HOXC5: variants seen among roughly 807,000 people sequenced by gnomAD.
The protein encoded by HOXC5 is homeobox C5, also known as homeobox protein Hox-C5.
In HOXC5, 19 loss-of-function variants were observed where a neutral mutation model predicts 20.1. That is an observed-to-expected ratio of 0.94 (90% CI 0.66 to 1.38). The LOEUF (loss-of-function observed/expected upper bound fraction) is 1.38. HOXC5 is among the 40% of genes most tolerant of loss of function. The pLI is 0.00. For missense variants in HOXC5, 330 were observed against 300.1 expected (o/e 1.10, Z -0.74); for synonymous variants, 124 against 117.0 (o/e 1.06, Z -0.39).
At position 54,033,525 on chromosome 12, in the gene HOXC5, C is replaced by A. The variant is rs781557948; in HGVS notation, c.403C>A (p.Pro135Thr). 7.7e-6 allele frequency: 12 copies of A among 1,561,366 alleles called. No individual in the cohort carries two copies. The highest frequency in any genetic ancestry group is 4.0e-5 in the African/African-American group (3 of 74,334). The part of the protein sequence containing the change: ...TGQPAGLSQP[P>T]APPQIYPWMT... The stretch of plus-strand genomic sequence containing the variant: ...GCAGCCCGCCGGACTGAGCCAGCCA[C>A]CGGCCCCGCCACAGATTTACCCGTG... Residue 135 changes from proline (P) to threonine (T), a missense_variant, in exon 1 of 2, where the codon CCG becomes ACG. Physicochemically the swap from Pro to Thr is conservative, Grantham distance 38. Transcript: ENST00000312492.
At chr12:54,026,995 C>T in the HOXC5 span, among the ~76,000 whole-genome samples, 1 of 151,496 alleles carries the variant, frequency 6.6e-6, no homozygotes, top group African/African-American at 2.4e-5. Context: ...TTTCTCTGCT[C>T]CCCGCACACT....
At position 54,033,521 on chromosome 12, in the gene HOXC5, G is replaced by C. The variant is rs1270988422; in HGVS notation, c.399G>C (p.Gln133His). 12 of 1,571,980 alleles carry C rather than the reference G, an allele frequency of 7.6e-6. No homozygotes were observed. The highest frequency in any genetic ancestry group is 2.7e-5 in the African/African-American group (2 of 74,484). ...CAGGGCAGCCCGCCGGACTGAGCCA[G>C]CCACCGGCCCCGCCACAGATTTACC... ...AQTGQPAGLS[Q>H]PPAPPQIYPW... is the part of the protein sequence containing the mutation. The change falls in exon 1 of 2, where the codon CAG becomes CAC. Residue 133 changes from glutamine (Q) to histidine (H), a missense_variant. Coordinates refer to ENST00000312492, the MANE Select transcript of HOXC5 (RefSeq NM_018953.4).
At position 54,033,246 on chromosome 12, in the gene HOXC5, G is replaced by A; in HGVS notation, c.124G>A (p.Gly42Arg). Residue 42 changes from glycine (G) to arginine (R), a missense_variant, in exon 1 of 2, where the codon GGA (glycine) becomes AGA (arginine). By Grantham distance (125) the Gly-to-Arg change is moderately radical. Transcript: ENST00000312492. ...GCAGGCATCCAGGTACTGCTACGGC[G>A]GATTGGACTTAAGCATCACTTTCCC... Reference protein sequence around the residue: ...EVQASRYCYGGLDLSITFPPP... With the variant: ...EVQASRYCYGRLDLSITFPPP... The A allele has an allele frequency of 6.2e-7, 1 of 1,614,154 alleles. No homozygotes were observed. Among genetic ancestry groups the A allele is most frequent in the Non-Finnish European group, 8.5e-7 (1 of 1,180,016 alleles).
chr12:54,027,034 G>C, the HOXC5 span, among the ~76,000 whole-genome samples: 13 of 151,708 alleles, frequency 8.6e-5, no homozygotes, highest in African/African-American at 2.7e-4. Context: ...TCAACTCAAG[G>C]CATTTTCAGC....
the HOXC5 span, among the ~76,000 whole-genome samples, chr12:54,027,367 G>A: frequency 1.2e-4 from 18 of 152,284 alleles, no homozygotes; most frequent in African/African-American, 4.1e-4. Context: ...GGGGGCAGGG[G>A]GGCTTCTGAC....
chr12:54,033,108 T>G lies in HOXC5; in HGVS notation c.-15T>G, dbSNP rs567852522. ...ATCAAAAAGGGTGCAGAAATTTTTT[T>G]GGGCCCTCCCCGCCATGAGCTCCTA... On this transcript the variant is annotated 5_prime_UTR_variant, in exon 1 of 2. Coordinates refer to ENST00000312492, the MANE Select transcript of HOXC5 (RefSeq NM_018953.4). The G allele has an allele frequency of 2.1e-5, 34 of 1,591,128 alleles. No homozygotes were observed. The highest frequency in any genetic ancestry group is 1.7e-4 in the Middle Eastern group (1 of 5,970).
the HOXC5 span, chr12:54,021,883 G>C: frequency 3.3e-5 from 5 of 152,364 alleles, no homozygotes; most frequent in African/African-American, 9.7e-5. Context: ...AGAACAAAGT[G>C]CTGTGCTATC....
the HOXC5 span, among the ~76,000 whole-genome samples, chr12:54,024,142 G>A: frequency 2.0e-5 from 3 of 152,188 alleles, no homozygotes; most frequent in Admixed American, 6.5e-5. Context: ...ACTGAAACTC[G>A]GCTTTCTCCG....
chr12:54,029,831 C>A, upstream of HOXC5: 1 of 1,613,822 alleles, frequency 6.2e-7, no homozygotes. Flanking sequence ...CCAGAACCGC[C>A]GGATGAAGTG....
chr12:54,030,226 G>C, upstream of HOXC5: 1 of 347,436 alleles, frequency 2.9e-6, no homozygotes, highest in Non-Finnish European at 5.3e-6. Flanking sequence ...CCCCGTCCAG[G>C]CCTTGGGGGC....
the HOXC5 span, among the ~76,000 whole-genome samples, chr12:54,025,133 C>T: frequency 6.6e-6 from 1 of 152,174 alleles, no homozygotes; most frequent in Non-Finnish European, 1.5e-5. Flanking sequence ...TTTCTTTAGG[C>T]TCGTTTTATA....
chr12:54,021,255 G>A, the HOXC5 span: 1 of 152,234 alleles, frequency 6.6e-6, no homozygotes. Flanking sequence ...CAGATTGGGA[G>A]TTCTCTAAGG....
At chr12:54,020,982 G>A in the HOXC5 span, 3 of 152,234 alleles carry the variant, frequency 2.0e-5, no homozygotes, top group African/African-American at 7.2e-5. Flanking sequence ...TTCTTTTCAC[G>A]GGCATGGTGG....
chr12:54,031,109 C>T (rs1418919440), upstream of HOXC5, among the ~76,000 whole-genome samples: 1 of 152,276 alleles, frequency 6.6e-6, no homozygotes, highest in African/African-American at 2.4e-5. Flanking sequence ...GGTTTGGGCA[C>T]CAACCCCACG....
At chr12:54,019,202 T>C in the HOXC5 span, among the ~76,000 whole-genome samples, 1 of 110,514 alleles carries the variant, frequency 9.0e-6, no homozygotes, top group Non-Finnish European at 1.7e-5. Flanking sequence ...GTAGGACTTG[T>C]GTGTCGGCAG....
chr12:54,025,381 A>G, the HOXC5 span, among the ~76,000 whole-genome samples: 1 of 152,286 alleles, frequency 6.6e-6, no homozygotes, highest in South Asian at 2.1e-4. Context: ...TGGGAAAAAG[A>G]AAATATAATC....
upstream of HOXC5, among the ~76,000 whole-genome samples, chr12:54,029,092 C>G (rs1015089034): frequency 1.3e-5 from 2 of 151,816 alleles, no homozygotes; most frequent in Non-Finnish European, 2.9e-5. Context: ...GCCTCTCGCT[C>G]GCTTGCAGGG....
upstream of HOXC5, among the ~76,000 whole-genome samples, chr12:54,031,025 T>C (rs1940965233): frequency 6.6e-6 from 1 of 152,214 alleles, no homozygotes; most frequent in African/African-American, 2.4e-5. Context: ...CTGGGCTCCC[T>C]GCGCGGAGCA....
the HOXC5 span, chr12:54,017,290 A>C: frequency 3.3e-5 from 5 of 152,110 alleles, no homozygotes; most frequent in African/African-American, 1.2e-4. Context: ...AATTTATATA[A>C]AGTATATGTG....
Sources: gnomAD v4.1 joint callset for allele counts (sites outside exome capture counted in the v4.1 genomes callset) on GRCh38, gnomAD v4.1.1 for gene constraint, MANE v1.5 for transcripts, NCBI Gene and HGNC (gene_info 2026-07-23, HGNC 2026-07-21) for gene names.